SNTB1: variants seen among roughly 807,000 people sequenced by gnomAD.
SNTB1 encodes syntrophin beta 1, also known as beta-1-syntrophin.
SNTB1 carries 36 observed loss-of-function variants against 48.9 expected under a neutral mutation model. The ratio of observed to expected loss-of-function variants is 0.74; its 90% CI spans 0.56 to 0.97. The LOEUF (loss-of-function observed/expected upper bound fraction) is 0.97. Ranked by LOEUF, SNTB1 falls within the 50% of genes least tolerant of loss-of-function variation. The pLI is 0.00. For synonymous variants in SNTB1, 299 were observed against 294.6 expected, an observed-to-expected ratio of 1.01 and a Z score of -0.15; for missense variants, 786 against 703.4, an observed-to-expected ratio of 1.12 and a Z score of -1.33.
intron 1 of SNTB1, among the ~76,000 whole-genome samples, chr8:120,793,555 T>C (rs1391933109): frequency 6.6e-6 from 1 of 152,020 alleles, no homozygotes; most frequent in Non-Finnish European, 1.5e-5. Context: ...ATCTATGAAG[T>C]ATTCCACTCA....
intron 3 of SNTB1, among the ~76,000 whole-genome samples, chr8:120,584,757 G>C (rs1024955777): frequency 4.6e-5 from 7 of 152,100 alleles, no homozygotes; most frequent in African/African-American, 1.4e-4. Context: ...CAGTTAAGTT[G>C]GGATGAGGTC....
intron 1 of SNTB1, among the ~76,000 whole-genome samples, chr8:120,756,645 G>T (rs1427971887): frequency 3.3e-5 from 5 of 152,130 alleles, no homozygotes; most frequent in African/African-American, 1.2e-4. Flanking sequence ...GCTACCACTT[G>T]CAGTAAAGCC....
intron 1 of SNTB1, among the ~76,000 whole-genome samples, chr8:120,793,756 T>C (rs1820076883): frequency 6.6e-6 from 1 of 152,052 alleles, no homozygotes; most frequent in Admixed American, 6.6e-5. Context: ...AAAAATCCTA[T>C]TTATTTAATA....
chr8:120,802,165 A>T (rs944924138), intron 1 of SNTB1, among the ~76,000 whole-genome samples: 9 of 152,192 alleles, frequency 5.9e-5, no homozygotes, highest in Non-Finnish European at 1.5e-5. Flanking sequence ...TGTTGGCTTA[A>T]TAACAATTAT....
At chr8:120,806,920 G>A (rs536716691) in intron 1 of SNTB1, among the ~76,000 whole-genome samples, 1 of 152,036 alleles carries the variant, frequency 6.6e-6, no homozygotes, top group African/African-American at 2.4e-5. Flanking sequence ...CTTCCTCCTC[G>A]ATCATTCCCA....
At chr8:120,807,152 A>G (rs988186732) in intron 1 of SNTB1, among the ~76,000 whole-genome samples, 3 of 152,242 alleles carry the variant, frequency 2.0e-5, no homozygotes, top group Non-Finnish European at 2.9e-5. Context: ...ATACTCCAAC[A>G]TGAGTCTTCC....
chr8:120,771,853 T>A (rs1182635207), intron 1 of SNTB1, among the ~76,000 whole-genome samples: 1 of 152,048 alleles, frequency 6.6e-6, no homozygotes. Flanking sequence ...TTATTTTATT[T>A]TATTTATTTA....
rs116475638 is a variant in SNTB1 at position 120,702,411 on chromosome 8, G to A, written c.572-8503C>T. Among the ~76,000 whole-genome samples, 534 of 152,216 alleles carry A rather than the reference G, an allele frequency of 3.5e-3. 2 individuals are homozygous for A. The highest frequency in any genetic ancestry group is 0.012 in the African/African-American group (504 of 41,538). ...GCCACAGAGAAGTACTGTTTAATTC[G>A]CTGAACATGCCATGTTCTCTCCTGC... is the stretch of plus-strand genomic sequence containing the variant. On this transcript the variant is annotated intron_variant, in intron 1 of 6. Transcript: ENST00000517992.
intron 1 of SNTB1, among the ~76,000 whole-genome samples, chr8:120,726,060 C>T (rs1818750781): frequency 6.6e-6 from 1 of 152,178 alleles, no homozygotes; most frequent in Non-Finnish European, 1.5e-5. Context: ...CTGCCTCTCT[C>T]CCTTCCCACC....
intron 2 of SNTB1, among the ~76,000 whole-genome samples, chr8:120,646,696 G>A (rs896516033): frequency 2.0e-5 from 3 of 151,816 alleles, no homozygotes; most frequent in Admixed American, 6.6e-5. Context: ...AGTTAGGGAG[G>A]ATTCCCTCTT....
At chr8:120,679,726 C>G (rs768131311) in intron 2 of SNTB1, among the ~76,000 whole-genome samples, 2 of 152,180 alleles carry the variant, frequency 1.3e-5, no homozygotes, top group Non-Finnish European at 2.9e-5. Flanking sequence ...GTCTTGCCTC[C>G]TATTGATCTA....
chr8:120,741,448 A>C (rs1390838074), intron 1 of SNTB1, among the ~76,000 whole-genome samples: 1 of 152,182 alleles, frequency 6.6e-6, no homozygotes, highest in African/African-American at 2.4e-5. Context: ...GTCTCTACTA[A>C]AAATACAAAA....
intron 2 of SNTB1, among the ~76,000 whole-genome samples, chr8:120,645,962 G>A (rs1457083251): frequency 6.8e-6 from 1 of 146,298 alleles, no homozygotes; most frequent in Admixed American, 6.9e-5. Context: ...TTGGCTCTCT[G>A]TTTGTCTGTT....
intron 1 of SNTB1, among the ~76,000 whole-genome samples, chr8:120,757,208 A>G (rs1819332971): frequency 6.8e-6 from 1 of 147,272 alleles, no homozygotes; most frequent in East Asian, 1.9e-4. Context: ...GAATCAAAAC[A>G]GATCTATCGG....
chr8:120,805,853 G>C (rs1464125727), intron 1 of SNTB1, among the ~76,000 whole-genome samples: 1 of 152,204 alleles, frequency 6.6e-6, no homozygotes, highest in South Asian at 2.1e-4. Flanking sequence ...GGCCATTTAT[G>C]AGCATTAAAA....
chr8:120,637,732 C>T, intron 2 of SNTB1: 1 of 439,602 alleles, frequency 2.3e-6, no homozygotes, highest in East Asian at 7.0e-5. Flanking sequence ...ACATCTGCTT[C>T]AACAGTTCAC....
At chr8:120,637,302 C>A in intron 2 of SNTB1, 1 of 323,470 alleles carries the variant, frequency 3.1e-6, no homozygotes, top group Non-Finnish European at 6.2e-6. Context: ...GCTAGTCCTC[C>A]TGTGGCTCCT....
intron 3 of SNTB1, among the ~76,000 whole-genome samples, chr8:120,595,049 A>T (rs538147025): frequency 6.6e-6 from 1 of 152,092 alleles, no homozygotes; most frequent in East Asian, 1.9e-4. Flanking sequence ...GCTAAAATAA[A>T]CCTCCTCAGA....
At chr8:120,782,348 G>A (rs568781619) in intron 1 of SNTB1, among the ~76,000 whole-genome samples, 2 of 152,178 alleles carry the variant, frequency 1.3e-5, no homozygotes, top group African/African-American at 4.8e-5. Context: ...TTCAACCCAT[G>A]AAACCAGGAG....
Sources: gnomAD v4.1 joint callset for allele counts (sites outside exome capture counted in the v4.1 genomes callset) on GRCh38, gnomAD v4.1.1 for gene constraint, MANE v1.5 for transcripts, NCBI Gene and HGNC (gene_info 2026-07-23, HGNC 2026-07-21) for gene names.